GRID1: variants seen among roughly 807,000 people sequenced by gnomAD.
GRID1 encodes glutamate receptor ionotropic, delta-1.
A neutral mutation model predicts 98.0 loss-of-function variants in GRID1; 28 were observed. The ratio of observed to expected loss-of-function variants is 0.29; its 90% confidence interval spans 0.21 to 0.39. The LOEUF (loss-of-function observed/expected upper bound fraction) is 0.39, where lower values mean the gene tolerates loss of function less well. Among genes scored for constraint, GRID1 ranks in the 10% least tolerant of loss-of-function variants. The pLI is 1.00. For missense variants in GRID1, 1,111 were observed against 1,340.5 expected, an observed-to-expected ratio of 0.83 and a Z score of 2.67; for synonymous variants, 553 against 538.5, an observed-to-expected ratio of 1.03 and a Z score of -0.37.
At chr10:85,920,558 G>C (rs1841688287) in intron 4 of GRID1, among the ~76,000 whole-genome samples, 1 of 152,162 alleles carries the variant, frequency 6.6e-6, no homozygotes, top group African/African-American at 2.4e-5. Flanking sequence ...GGATACACCA[G>C]GGCAAAAAGA....
chr10:85,646,892 G>T, intron 13 of GRID1: 1 of 372,926 alleles, frequency 2.7e-6, no homozygotes, highest in Non-Finnish European at 5.1e-6. Context: ...TTTGCCAATT[G>T]TTCTCACCTC....
At chr10:86,099,970 G>A (rs1487536555) in intron 4 of GRID1, among the ~76,000 whole-genome samples, 1 of 152,138 alleles carries the variant, frequency 6.6e-6, no homozygotes, top group Admixed American at 6.5e-5. Context: ...CAGTTATTTT[G>A]ACTCCTCAGG....
At chr10:86,006,611 C>T (rs899757959) in intron 4 of GRID1, among the ~76,000 whole-genome samples, 2 of 150,322 alleles carry the variant, frequency 1.3e-5, no homozygotes, top group Admixed American at 6.6e-5. Flanking sequence ...AGCGAGACGC[C>T]GTCTAAAAAA....
chr10:86,215,676 C>T (rs1269604615), intron 2 of GRID1, among the ~76,000 whole-genome samples: 2 of 152,178 alleles, frequency 1.3e-5, no homozygotes, highest in African/African-American at 2.4e-5. Context: ...CAGACAGCTC[C>T]TCCTGGGCTC....
chr10:86,251,272 G>A (rs1035601179), intron 2 of GRID1, among the ~76,000 whole-genome samples: 5 of 150,130 alleles, frequency 3.3e-5, no homozygotes, highest in Admixed American at 2.0e-4. Flanking sequence ...TTTATCTTCT[G>A]ACCTTCCCTC....
At chr10:86,064,286 C>A (rs7918451) in intron 4 of GRID1, among the ~76,000 whole-genome samples, 11,435 of 152,278 alleles carry the variant, frequency 0.075, 513 homozygotes, top group East Asian at 0.14. Context: ...TGAGACCCAG[C>A]CTGAGTCTGT....
chr10:85,712,896 C>A (rs1440261499), intron 12 of GRID1, among the ~76,000 whole-genome samples: 2 of 151,282 alleles, frequency 1.3e-5, no homozygotes, highest in Admixed American at 6.6e-5. Context: ...ACAAACATAC[C>A]AAAAATAATA....
At chr10:86,011,272 C>T (rs1185452953) in intron 4 of GRID1, among the ~76,000 whole-genome samples, 1 of 152,124 alleles carries the variant, frequency 6.6e-6, no homozygotes, top group Non-Finnish European at 1.5e-5. Flanking sequence ...CACATGTGAT[C>T]ATCTGAAATA....
intron 2 of GRID1, among the ~76,000 whole-genome samples, chr10:86,262,108 T>C (rs992019599): frequency 1.3e-5 from 2 of 152,194 alleles, no homozygotes; most frequent in African/African-American, 4.8e-5. Flanking sequence ...GCCTGCGCTC[T>C]TTACACTGTG....
chr10:86,207,799 T>C (rs1246829880), intron 2 of GRID1, among the ~76,000 whole-genome samples: 1 of 151,934 alleles, frequency 6.6e-6, no homozygotes, highest in Non-Finnish European at 1.5e-5. Flanking sequence ...GCCCGGCTAA[T>C]TTTTGTATTT....
intron 12 of GRID1, among the ~76,000 whole-genome samples, chr10:85,681,506 C>A (rs1269318288): frequency 6.6e-6 from 1 of 152,146 alleles, no homozygotes; most frequent in Non-Finnish European, 1.5e-5. Flanking sequence ...TCCACATCTT[C>A]TCTTCTTTCC....
At chr10:85,912,123 A>G (rs1188075048) in intron 5 of GRID1, among the ~76,000 whole-genome samples, 1 of 152,248 alleles carries the variant, frequency 6.6e-6, no homozygotes, top group Non-Finnish European at 1.5e-5. Flanking sequence ...GGCATTGAGG[A>G]TTCAGTGATG....
At chr10:85,782,228 G>GCACACA (rs147841741) in intron 8 of GRID1, among the ~76,000 whole-genome samples, 1 of 149,542 alleles carries the variant, frequency 6.7e-6, no homozygotes. Context: ...GAGTGCACAT[G>GCACACA]CACACACACA....
At chr10:86,363,797 G>C (rs1667496823) in intron 2 of GRID1, 144 bp downstream of exon 2, 1 of 670,718 alleles carries the variant, frequency 1.5e-6, no homozygotes, top group African/African-American at 1.9e-5. Context: ...GCCGGGGAAG[G>C]CGCGCCACCG....
chr10:86,091,482 C>A (rs888187676), intron 4 of GRID1, among the ~76,000 whole-genome samples: 1 of 152,098 alleles, frequency 6.6e-6, no homozygotes, highest in African/African-American at 2.4e-5. Flanking sequence ...CACAGCAAGA[C>A]TGGCCCAAGG....
intron 12 of GRID1, among the ~76,000 whole-genome samples, chr10:85,656,029 C>G (rs983106197): frequency 6.6e-6 from 1 of 152,112 alleles, no homozygotes; most frequent in Middle Eastern, 3.2e-3. Flanking sequence ...CTCCTCCAAC[C>G]ACCCTTCCAG....
intron 2 of GRID1, among the ~76,000 whole-genome samples, chr10:86,348,522 T>A (rs1390531934): frequency 6.6e-6 from 1 of 152,110 alleles, no homozygotes; most frequent in East Asian, 1.9e-4. Flanking sequence ...TGAGCACAGG[T>A]GTGACCCTGC....
At chr10:86,182,986 T>C (rs1845676244) in intron 3 of GRID1, among the ~76,000 whole-genome samples, 1 of 152,228 alleles carries the variant, frequency 6.6e-6, no homozygotes, top group Non-Finnish European at 1.5e-5. Context: ...GAGGTAATAA[T>C]GTGCAACATA....
At chr10:85,882,067 A>C (rs1469052969) in intron 5 of GRID1, among the ~76,000 whole-genome samples, 1 of 152,246 alleles carries the variant, frequency 6.6e-6, no homozygotes, top group African/African-American at 2.4e-5. Flanking sequence ...TCAAAACCAC[A>C]ATGAGATACC....
Sources: allele counts gnomAD v4.1 joint callset (sites outside exome capture counted in the v4.1 genomes callset), GRCh38; gene constraint gnomAD v4.1.1; transcripts MANE v1.5; gene names NCBI Gene and HGNC (gene_info 2026-07-23, HGNC 2026-07-21).